The following DCLRE1C variants were observed in gnomAD, a reference collection of about 807,000 sequenced individuals.
DCLRE1C encodes the protein protein artemis.
In DCLRE1C, 47 loss-of-function variants were observed where a neutral mutation model predicts 61.4. The observed-to-expected ratio is 0.77, with a 90% CI of 0.61 to 0.98. The LOEUF is 0.98. DCLRE1C is among the 50% of genes least tolerant of loss of function. The pLI, the probability that DCLRE1C is intolerant of heterozygous loss-of-function variation, is 0.00. For missense variants in DCLRE1C, 858 were observed against 816.0 expected (o/e 1.05, Z -0.63); for synonymous variants, 337 against 287.6 (o/e 1.17, Z -1.74).
At chr10:14,922,176 C>T (rs1208383948) in intron 12 of DCLRE1C, among the ~76,000 whole-genome samples, 1 of 152,192 alleles carries the variant, frequency 6.6e-6, no homozygotes, top group Non-Finnish European at 1.5e-5. Flanking sequence ...TGCAGTGGCT[C>T]ATGCCTGTAA....
At chr10:14,946,658 G>T (rs1434458987) in intron 2 of DCLRE1C, among the ~76,000 whole-genome samples, 1 of 130,160 alleles carries the variant, frequency 7.7e-6, no homozygotes, top group Non-Finnish European at 1.6e-5. Flanking sequence ...ACAGACTCAC[G>T]CTAAAGAGAT....
downstream of DCLRE1C, chr10:14,902,598 A>G (rs776556537): frequency 4.5e-5 from 36 of 805,086 alleles, no homozygotes; most frequent in Non-Finnish European, 6.2e-5. Context: ...GACTCTTATT[A>G]TCAAGGTTCT....
chr10:14,903,970 T>TG, downstream of DCLRE1C: 1 of 152,198 alleles, frequency 6.6e-6, no homozygotes, highest in Admixed American at 6.5e-5. Flanking sequence ...GATAAATTGT[T>TG]TACATGATTG....
chr10:14,906,865 A>G lies in DCLRE1C; in HGVS notation c.*1543T>C, dbSNP rs1040203440. Among the ~76,000 whole-genome samples, 13 of 152,176 alleles carry G rather than the reference A, an allele frequency of 8.5e-5. No individual in the cohort carries two copies. The highest frequency in any genetic ancestry group is 1.9e-4 in the African/African-American group (8 of 41,440). On this transcript the variant is annotated 3_prime_UTR_variant, in exon 14 of 14. Coordinates refer to ENST00000378278, the MANE Select transcript of DCLRE1C (RefSeq NM_001033855.3). ...TGTTGAATGACTCACAGAATAACACATATACTTTAGTTTTTTTTAATTTAT... is the reference window on the plus strand; with the variant it reads ...TGTTGAATGACTCACAGAATAACACGTATACTTTAGTTTTTTTTAATTTAT...
At chr10:14,937,129 A>G (rs1840066396) in intron 4 of DCLRE1C, among the ~76,000 whole-genome samples, 3 of 152,072 alleles carry the variant, frequency 2.0e-5, no homozygotes, top group Non-Finnish European at 4.4e-5. Context: ...CCAATACAGT[A>G]GTGGTTGCCG....
In DCLRE1C at chr10:14,907,968, T is replaced by TCTCCTGCCTTGGC. The variant is rs1173581848; in HGVS notation, c.*427_*439dup. ...CCACCACCTCCCAGGTTCAAGTGAT[T>TCTCCTGCCTTGGC]CTCCTGCCTTGGCCTCCTGCGTAGC... On this transcript the variant is annotated 3_prime_UTR_variant, in exon 14 of 14. Coordinates refer to ENST00000378278, the MANE Select transcript of DCLRE1C (RefSeq NM_001033855.3). 1.3e-5 allele frequency: 2 copies of TCTCCTGCCTTGGC among 154,364 alleles called. No homozygotes were observed. The highest frequency in any genetic ancestry group is 2.8e-5 in the Non-Finnish European group (2 of 70,860). 9.6% of individuals were successfully genotyped at this position (154,364 alleles called of 1,614,324 possible). A position where few individuals can be genotyped will look rare whatever the true frequency, so the allele number is the denominator to read the frequency against.
In DCLRE1C at chr10:14,908,904, T is replaced by C. The variant is rs1159787737; in HGVS notation, c.1583A>G (p.Glu528Gly). 9.3e-6 allele frequency: 15 copies of C among 1,614,080 alleles called. No homozygotes were observed. The highest frequency in any genetic ancestry group is 1.3e-5 in the Non-Finnish European group (15 of 1,180,042). Residue 528 changes from glutamate (E) to glycine (G), a missense_variant, in exon 14 of 14, where the codon GAA becomes GGA. Glu to Gly is a moderately conservative substitution (Grantham distance 98). Transcript: ENST00000378278. ...ATTCTGGGAGGAGATGTGAGTTGAT[T>C]CTCCATCAGAGTCACTGAAAAGCTT... is the stretch of plus-strand genomic sequence containing the variant. The part of the protein sequence containing the change: ...SPKLFSDSDG[E>G]STHISSQNSS...
intron 1 of DCLRE1C, among the ~76,000 whole-genome samples, chr10:14,952,100 CTT>C (rs1015227018): frequency 2.6e-4 from 40 of 152,276 alleles, no homozygotes; most frequent in African/African-American, 8.7e-4. Context: ...AATGCACAAA[CTT>C]ATGATGATTT....
Position 14,919,797 on chromosome 10 carries a change from T to A in DCLRE1C, c.1097A>T (p.Glu366Val). ...KPLCRSSQST[E>V]PKYKPLGKLK... ...TTTTCCCAGTGGTTTATACTTTGGC[T>A]CCGTACTTTGGGAAGACCGGCATAA... is the stretch of plus-strand genomic sequence containing the variant. Residue 366 changes from glutamate to valine, a missense_variant, in exon 13 of 14, where the codon GAG becomes GTG. By Grantham distance (121) the Glu-to-Val change is moderately radical. Coordinates refer to ENST00000378278, the MANE Select transcript of DCLRE1C (RefSeq NM_001033855.3). 6.2e-7 allele frequency: 1 copy of A among 1,614,006 alleles called. No individual in the cohort carries two copies. The highest frequency in any genetic ancestry group is 1.7e-5 in the Admixed American group (1 of 60,014).
intron 4 of DCLRE1C, among the ~76,000 whole-genome samples, chr10:14,937,281 CTTTT>C (rs1162058273): frequency 8.8e-4 from 97 of 110,596 alleles, no homozygotes; most frequent in Middle Eastern, 5.3e-3. Flanking sequence ...AAGCTATTTA[CTTTT>C]TTTTTTTTTT....
Position 14,906,059 on chromosome 10 carries a change from A to T in DCLRE1C, c.*2349T>A, listed in dbSNP as rs527972684. ...ACGTAAAAACCAAGTAGCTGCTACA[A>T]TTAACCCTGCTCATGTTTATACTTT... On this transcript the variant is annotated 3_prime_UTR_variant, in exon 14 of 14. Transcript: ENST00000378278. 6.6e-6 allele frequency among the ~76,000 whole-genome samples: 1 copy of T among 152,224 alleles called. No homozygotes were observed. Among genetic ancestry groups the T allele is most frequent in the South Asian group, 2.1e-4 (1 of 4,832 alleles).
At chr10:14,933,348 T>A (rs900155764) in intron 8 of DCLRE1C, among the ~76,000 whole-genome samples, 1 of 152,192 alleles carries the variant, frequency 6.6e-6, no homozygotes, top group Non-Finnish European at 1.5e-5. Flanking sequence ...AAGAATCATC[T>A]ACCCTCAGCC....
At chr10:14,920,932 G>A (rs1210760753) in intron 12 of DCLRE1C, among the ~76,000 whole-genome samples, 4 of 151,870 alleles carry the variant, frequency 2.6e-5, no homozygotes, top group Non-Finnish European at 5.9e-5. Flanking sequence ...GCAGTGAGCC[G>A]AGGTTGCACC....
At chr10:14,922,439 TAAA>T (rs76753067) in intron 12 of DCLRE1C, among the ~76,000 whole-genome samples, 1 of 124,850 alleles carries the variant, frequency 8.0e-6, no homozygotes, top group Admixed American at 8.1e-5. Flanking sequence ...AGACCCTGTC[TAAA>T]AAAAAAAAAA....
intron 8 of DCLRE1C, 121 bp downstream of exon 8, chr10:14,934,259 T>C (rs1184864178): frequency 5.1e-6 from 7 of 1,378,962 alleles, no homozygotes; most frequent in Non-Finnish European, 5.8e-6. Flanking sequence ...ACCCGGGAGG[T>C]GGAGGCTGCA....
chr10:14,905,731 T>TCCCA lies in DCLRE1C; in HGVS notation c.*2673_*2676dup, dbSNP rs1834337526. ...TGGACACGGTAGCTGACGCCTGTAATCCCAGCACTTTGGGAGGCCGAGGCG... is the reference window on the plus strand; with the variant it reads ...TGGACACGGTAGCTGACGCCTGTAATCCCACCCAGCACTTTGGGAGGCCGAGGCG... On this transcript the variant is annotated 3_prime_UTR_variant, in exon 14 of 14. Transcript: ENST00000378278. 6.6e-6 allele frequency among the ~76,000 whole-genome samples: 1 copy of TCCCA among 152,230 alleles called. No individual in the cohort carries two copies. The highest frequency in any genetic ancestry group is 1.5e-5 in the Non-Finnish European group (1 of 68,044).
chr10:14,904,865 CTGTA>C lies in DCLRE1C; in HGVS notation c.*3539_*3542del, dbSNP rs1319200069. 2.0e-5 allele frequency among the ~76,000 whole-genome samples: 3 copies of C among 152,194 alleles called. No individual in the cohort carries two copies. The highest frequency in any genetic ancestry group is 7.2e-5 in the African/African-American group (3 of 41,444). On this transcript the variant is annotated 3_prime_UTR_variant, in exon 14 of 14. Coordinates refer to ENST00000378278, the MANE Select transcript of DCLRE1C (RefSeq NM_001033855.3). Reference sequence around the variant, plus strand: ...AGATCCAGTTTAAAAGGTGAATCCACTGTATGTATTATATTGATACCATCATTTT... The same window carrying C: ...AGATCCAGTTTAAAAGGTGAATCCACTGTATTATATTGATACCATCATTTT...
intron 2 of DCLRE1C, among the ~76,000 whole-genome samples, chr10:14,947,776 G>A (rs1273360282): frequency 6.6e-6 from 1 of 152,094 alleles, no homozygotes; most frequent in Non-Finnish European, 1.5e-5. Flanking sequence ...AAAAATTACT[G>A]AGGCCAGGAG....
intron 4 of DCLRE1C, 108 bp from the exon 5 acceptor site, chr10:14,936,701 G>A (rs1839986418): frequency 1.3e-6 from 1 of 748,026 alleles, no homozygotes; most frequent in Non-Finnish European, 2.3e-6. Flanking sequence ...TTAACAATGT[G>A]CCTTTTCTCC....
Sources: gnomAD v4.1 joint callset for allele counts (sites outside exome capture counted in the v4.1 genomes callset) on GRCh38, gnomAD v4.1.1 for gene constraint, MANE v1.5 for transcripts, NCBI Gene and HGNC (gene_info 2026-07-23, HGNC 2026-07-21) for gene names.